RBFOX1: variants seen among roughly 807,000 people sequenced by gnomAD.
RBFOX1 encodes RNA binding protein fox-1 homolog 1.
A neutral mutation model predicts 57.7 loss-of-function variants in RBFOX1; 8 were observed. The observed-to-expected ratio is 0.14, with a 90% CI of 0.08 to 0.25. The LOEUF (loss-of-function observed/expected upper bound fraction) is 0.25, where lower values mean the gene tolerates loss of function less well. Among genes scored for constraint, RBFOX1 ranks in the 10% least tolerant of loss-of-function variants. The pLI, the probability that RBFOX1 is intolerant of heterozygous loss-of-function variation, is 1.00. For missense variants in RBFOX1, 611 were observed against 548.5 expected (o/e 1.11, Z -1.14); for synonymous variants, 326 against 222.4 (o/e 1.47, Z -4.15).
chr16:7,023,379 G>A (rs1339275096), intron 3 of RBFOX1, among the ~76,000 whole-genome samples: 33 of 151,308 alleles, frequency 2.2e-4, no homozygotes, highest in Admixed American at 2.2e-3. Context: ...AGAATTGCTT[G>A]AACCCAGGAG....
At chr16:7,258,466 CCT>C (rs201490907) in intron 4 of RBFOX1, among the ~76,000 whole-genome samples, 10 of 150,320 alleles carry the variant, frequency 6.7e-5, no homozygotes, top group Non-Finnish European at 8.9e-5. Context: ...TCTCCTAAAC[CCT>C]CTCTCTCTCT....
At chr16:5,520,799 G>C (rs1385950805) in intron 2 of RBFOX1, among the ~76,000 whole-genome samples, 2 of 152,162 alleles carry the variant, frequency 1.3e-5, no homozygotes, top group Non-Finnish European at 2.9e-5. Context: ...ATGACAGTTT[G>C]GCTATCTGAG....
At chr16:6,737,877 C>G (rs747873313) in intron 3 of RBFOX1, among the ~76,000 whole-genome samples, 1 of 151,992 alleles carries the variant, frequency 6.6e-6, no homozygotes, top group African/African-American at 2.4e-5. Context: ...ATAATATTTT[C>G]GAGATGGGGG....
At chr16:6,750,406 C>G (rs570875466) in intron 3 of RBFOX1, among the ~76,000 whole-genome samples, 6 of 152,274 alleles carry the variant, frequency 3.9e-5, no homozygotes, top group African/African-American at 1.4e-4. Flanking sequence ...GCAGCAGAAG[C>G]TGAAACCAGG....
At chr16:6,186,431 A>T (rs11646037) in intron 1 of RBFOX1, among the ~76,000 whole-genome samples, 4 of 151,988 alleles carry the variant, frequency 2.6e-5, no homozygotes, top group African/African-American at 9.7e-5. Context: ...GAATGAATAC[A>T]TTGTTCATAA....
At chr16:5,406,225 G>C (rs926802987) in intron 1 of RBFOX1, among the ~76,000 whole-genome samples, 5 of 152,132 alleles carry the variant, frequency 3.3e-5, no homozygotes, top group Non-Finnish European at 7.3e-5. Context: ...GGTGATGGCG[G>C]GGGGGATTTC....
intron 3 of RBFOX1, among the ~76,000 whole-genome samples, chr16:6,970,573 C>T (rs148160787): frequency 4.6e-5 from 7 of 152,208 alleles, no homozygotes; most frequent in African/African-American, 1.2e-4. Context: ...GGTGCCCTGG[C>T]GTTGTGTCTT....
chr16:7,000,703 C>G (rs1282123953), intron 3 of RBFOX1, among the ~76,000 whole-genome samples: 1 of 141,076 alleles, frequency 7.1e-6, no homozygotes, highest in Non-Finnish European at 1.5e-5. Flanking sequence ...CTACCGGGTT[C>G]ATGCCATTCT....
chr16:5,640,768 C>A (rs979448273), intron 3 of RBFOX1, among the ~76,000 whole-genome samples: 1 of 150,950 alleles, frequency 6.6e-6, no homozygotes, highest in African/African-American at 2.4e-5. Flanking sequence ...TGGATACACA[C>A]AGGCACATAC....
chr16:7,417,369 T>C (rs2098489378), intron 4 of RBFOX1, among the ~76,000 whole-genome samples: 1 of 52,958 alleles, frequency 1.9e-5, no homozygotes, highest in African/African-American at 6.4e-5. Context: ...CGAGACTCTG[T>C]GTCAAAGAAA....
At chr16:7,143,823 C>G (rs1467458753) in intron 4 of RBFOX1, among the ~76,000 whole-genome samples, 1 of 152,060 alleles carries the variant, frequency 6.6e-6, no homozygotes, top group Non-Finnish European at 1.5e-5. Context: ...CACAGTATAT[C>G]TTACAGGTAG....
intron 1 of RBFOX1, among the ~76,000 whole-genome samples, chr16:6,297,801 G>T (rs1361966015): frequency 6.6e-6 from 1 of 152,174 alleles, no homozygotes; most frequent in Non-Finnish European, 1.5e-5. Context: ...AACGCTGAGA[G>T]GAGTTCAGCT....
intron 4 of RBFOX1, among the ~76,000 whole-genome samples, chr16:7,269,514 A>G (rs2095265348): frequency 6.6e-6 from 1 of 152,168 alleles, no homozygotes; most frequent in Non-Finnish European, 1.5e-5. Context: ...TATTTGACTG[A>G]TAGTGAATTT....
chr16:6,646,081 C>G (rs2098532106), intron 2 of RBFOX1, among the ~76,000 whole-genome samples: 1 of 99,206 alleles, frequency 1.0e-5, no homozygotes, highest in Non-Finnish European at 2.0e-5. Context: ...GTCCACAGCT[C>G]AAAATTCATA....
chr16:6,660,996 A>G (rs2098697965), intron 3 of RBFOX1, among the ~76,000 whole-genome samples: 1 of 152,158 alleles, frequency 6.6e-6, no homozygotes, highest in Non-Finnish European at 1.5e-5. Flanking sequence ...ATTAATGAAG[A>G]GGCAGAGGAG....
chr16:5,893,003 G>C (rs2058082306), intron 4 of RBFOX1, among the ~76,000 whole-genome samples: 1 of 152,138 alleles, frequency 6.6e-6, no homozygotes, highest in East Asian at 1.9e-4. Context: ...AAAAATTTCT[G>C]GTGAGGAATA....
rs7201578 is a variant in RBFOX1, at chr16:6,817,934, C to G, written c.-16+163284C>G. Among the ~76,000 whole-genome samples the G allele has an allele frequency of 5.7e-3, 873 of 152,258 alleles. 5 individuals are homozygous for G. The highest frequency in any genetic ancestry group is 0.02 in the African/African-American group (821 of 41,544). On this transcript the variant is annotated intron_variant, in intron 3 of 15. Transcript: ENST00000550418. ...GCCATTGCCCAAAAATCTACTGTGT[C>G]TCTCTGTTGGGCTTCAGAATGAGAT... is the stretch of plus-strand genomic sequence containing the variant.
intron 4 of RBFOX1, among the ~76,000 whole-genome samples, chr16:7,204,670 C>G (rs941148478): frequency 1.3e-5 from 2 of 152,088 alleles, no homozygotes; most frequent in African/African-American, 2.4e-5. Context: ...GAAAAAGTTC[C>G]TCACTGTTCT....
At chr16:7,157,925 C>G (rs2152346454) in intron 4 of RBFOX1, among the ~76,000 whole-genome samples, 1 of 152,250 alleles carries the variant, frequency 6.6e-6, no homozygotes, top group South Asian at 2.1e-4. Flanking sequence ...GCTGTGTTTG[C>G]TTTTTCTTAA....
Sources: gnomAD v4.1 joint callset for allele counts (sites outside exome capture counted in the v4.1 genomes callset) on GRCh38, gnomAD v4.1.1 for gene constraint, MANE v1.5 for transcripts, NCBI Gene and HGNC (gene_info 2026-07-23, HGNC 2026-07-21) for gene names.